ATRNL1: variants seen among roughly 807,000 people sequenced by gnomAD.
The protein encoded by ATRNL1 is attractin-like protein 1.
Under a neutral mutation model 182.7 loss-of-function variants are expected in ATRNL1, and 95 were observed. That is an observed-to-expected ratio of 0.52 (90% CI 0.44 to 0.62). The LOEUF is 0.62. Ranked by LOEUF, ATRNL1 falls within the 20% of genes least tolerant of loss-of-function variation. The probability of loss-of-function intolerance (pLI) is 0.00; values close to 1 mark genes in which losing one functional copy is unlikely to be tolerated. For missense variants in ATRNL1, 1,471 were observed against 1,679.5 expected, an observed-to-expected ratio of 0.88 and a Z score of 2.17; for synonymous variants, 576 against 568.3, an observed-to-expected ratio of 1.01 and a Z score of -0.19.
chr10:115,330,873 C>T (rs1855180811), intron 18 of ATRNL1, among the ~76,000 whole-genome samples: 1 of 151,672 alleles, frequency 6.6e-6, no homozygotes, highest in Admixed American at 6.6e-5. Context: ...CTTTCTTCCC[C>T]ATTTTCATTT....
intron 18 of ATRNL1, 149 bp from the exon 19 acceptor site, chr10:115,334,131 CTA>C (rs1308807350): frequency 4.2e-6 from 2 of 471,728 alleles, no homozygotes; most frequent in Admixed American, 7.6e-5. Flanking sequence ...AAACTTTGAG[CTA>C]TATGTGTTAT....
chr10:115,302,922 A>ACTTAGCTAGCTTCTTC (rs1853548378), intron 17 of ATRNL1, among the ~76,000 whole-genome samples: 1 of 152,130 alleles, frequency 6.6e-6, no homozygotes, highest in African/African-American at 2.4e-5. Context: ...ATCTTTCTGC[A>ACTTAGCTAGCTTCTTC]ATCCACTCTT....
chr10:115,864,472 T>TA (rs1951388769), intron 28 of ATRNL1, among the ~76,000 whole-genome samples: 1 of 152,186 alleles, frequency 6.6e-6, no homozygotes, highest in Non-Finnish European at 1.5e-5. Flanking sequence ...ATTTGTATAG[T>TA]CAGAGTATCT....
chr10:115,359,251 T>C (rs1856633203), intron 19 of ATRNL1, among the ~76,000 whole-genome samples: 1 of 151,736 alleles, frequency 6.6e-6, no homozygotes, highest in African/African-American at 2.4e-5. Flanking sequence ...TTGTAGTTTT[T>C]TACATTCTTG....
At chr10:115,817,626 A>G (rs1950193450) in intron 27 of ATRNL1, among the ~76,000 whole-genome samples, 1 of 152,108 alleles carries the variant, frequency 6.6e-6, no homozygotes, top group Admixed American at 6.6e-5. Flanking sequence ...CACCTTAGCA[A>G]TCTTAATTTT....
rs782116703 is a variant in ATRNL1 at position 115,094,053 on chromosome 10, T to G, written c.293+10T>G. The G allele has an allele frequency of 6.9e-7, 1 of 1,456,684 alleles. No homozygotes were observed. The highest frequency in any genetic ancestry group is 9.1e-7 in the Non-Finnish European group (1 of 1,098,222). 90.2% of individuals were successfully genotyped at this position (1,456,684 alleles called of 1,614,324 possible). On this transcript the variant is annotated intron_variant, in intron 1 of 28. Coordinates refer to ENST00000355044, the MANE Select transcript of ATRNL1 (RefSeq NM_207303.4). ...GCCAGGGCAGGTTCAAGTAAGTGCC[T>G]TCGCCGGACCCCGAACCTCCAGCCC...
At chr10:115,695,194 C>T (rs568643322) in intron 26 of ATRNL1, among the ~76,000 whole-genome samples, 1 of 152,148 alleles carries the variant, frequency 6.6e-6, no homozygotes, top group Admixed American at 6.5e-5. Flanking sequence ...GTTGTCAATA[C>T]CCTGAGTTCT....
Position 115,447,991 on chromosome 10 carries a change from CA to C in ATRNL1, c.3323-13948del, listed in dbSNP as rs201319983. 8.7e-3 allele frequency among the ~76,000 whole-genome samples: 1,326 copies of C among 152,128 alleles called. 7 individuals carry two copies. The highest frequency in any genetic ancestry group is 0.013 in the Non-Finnish European group (890 of 67,940). ...GCATTTTCTTTATGACTAATTGAAA[CA>C]ATATCATTTTACATATTTATTGTGT... is the stretch of plus-strand genomic sequence containing the variant. On this transcript the variant is annotated intron_variant, in intron 21 of 28. Transcript: ENST00000355044.
intron 24 of ATRNL1, among the ~76,000 whole-genome samples, chr10:115,502,508 G>A (rs1315304136): frequency 6.6e-6 from 1 of 151,970 alleles, no homozygotes; most frequent in African/African-American, 2.4e-5. Flanking sequence ...TTACAAACAA[G>A]AAGCCCTAGT....
chr10:115,684,158 AATTTAT>A (rs1352352114), intron 26 of ATRNL1, among the ~76,000 whole-genome samples: 2 of 151,532 alleles, frequency 1.3e-5, no homozygotes, highest in African/African-American at 4.8e-5. Flanking sequence ...ATTTCTGTAC[AATTTAT>A]ATTTTTTCAT....
At chr10:115,660,220 T>G (rs1555037361) in intron 26 of ATRNL1, among the ~76,000 whole-genome samples, 1 of 151,996 alleles carries the variant, frequency 6.6e-6, no homozygotes, top group African/African-American at 2.4e-5. Flanking sequence ...ACAGAGTAAT[T>G]TACTGGTATT....
intron 26 of ATRNL1, among the ~76,000 whole-genome samples, chr10:115,725,682 T>A (rs1353371421): frequency 6.6e-6 from 1 of 152,146 alleles, no homozygotes; most frequent in African/African-American, 2.4e-5. Context: ...TCTGGGCATG[T>A]TGGTGTGTGT....
chr10:115,185,341 A>G (rs1847900732), intron 8 of ATRNL1, among the ~76,000 whole-genome samples: 2 of 152,158 alleles, frequency 1.3e-5, no homozygotes, highest in Admixed American at 1.3e-4. Flanking sequence ...CAAGGAAAGT[A>G]AAGATAAGCC....
At chr10:115,245,657 G>A (rs1850605567) in intron 10 of ATRNL1, among the ~76,000 whole-genome samples, 1 of 151,984 alleles carries the variant, frequency 6.6e-6, no homozygotes, top group Non-Finnish European at 1.5e-5. Flanking sequence ...TTCAAATTAA[G>A]ACATCTAATT....
At chr10:115,360,348 A>T (rs1175022246) in intron 19 of ATRNL1, among the ~76,000 whole-genome samples, 1 of 151,770 alleles carries the variant, frequency 6.6e-6, no homozygotes, top group Non-Finnish European at 1.5e-5. Context: ...ACATAAGTCC[A>T]TGTGAAAGAG....
At chr10:115,703,189 G>A (rs946958196) in intron 26 of ATRNL1, among the ~76,000 whole-genome samples, 4 of 151,906 alleles carry the variant, frequency 2.6e-5, no homozygotes, top group African/African-American at 9.7e-5. Context: ...AATGGTGCTG[G>A]CATAGCTGGC....
intron 26 of ATRNL1, among the ~76,000 whole-genome samples, chr10:115,596,738 G>GAAATAT (rs1464142587): frequency 1.3e-5 from 2 of 152,090 alleles, no homozygotes; most frequent in African/African-American, 4.8e-5. Context: ...TTTGTATGTA[G>GAAATAT]AAATATACTT....
intron 17 of ATRNL1, among the ~76,000 whole-genome samples, chr10:115,307,139 C>T (rs1434288349): frequency 6.6e-6 from 1 of 152,080 alleles, no homozygotes; most frequent in African/African-American, 2.4e-5. Flanking sequence ...TATTTTTTCT[C>T]CTCTATAGTT....
chr10:115,711,676 A>G (rs1255006592), intron 26 of ATRNL1, among the ~76,000 whole-genome samples: 7 of 152,138 alleles, frequency 4.6e-5, no homozygotes, highest in East Asian at 1.9e-4. Flanking sequence ...TTGATTCTAC[A>G]CTGAGAAGAT....
Sources: allele counts gnomAD v4.1 joint callset (sites outside exome capture counted in the v4.1 genomes callset), GRCh38; gene constraint gnomAD v4.1.1; transcripts MANE v1.5; gene names NCBI Gene and HGNC (gene_info 2026-07-23, HGNC 2026-07-21).